SCAPER: variants seen among roughly 807,000 people sequenced by gnomAD.
SCAPER encodes the protein S phase cyclin A-associated protein in the endoplasmic reticulum.
SCAPER carries 98 observed loss-of-function variants against 182.2 expected under a neutral mutation model. The observed-to-expected ratio is 0.54, with a 90% confidence interval of 0.46 to 0.64. The LOEUF (loss-of-function observed/expected upper bound fraction) is 0.64. Ranked by LOEUF, SCAPER falls within the 30% of genes least tolerant of loss-of-function variation. The pLI is 0.00. For missense variants in SCAPER, 1,432 were observed against 1,690.0 expected, an observed-to-expected ratio of 0.85 and a Z score of 2.68; for synonymous variants, 605 against 564.6, an observed-to-expected ratio of 1.07 and a Z score of -1.01.
At chr15:76,697,870 C>A (rs979609967) in intron 20 of SCAPER, among the ~76,000 whole-genome samples, 1 of 152,186 alleles carries the variant, frequency 6.6e-6, no homozygotes, top group East Asian at 1.9e-4. Flanking sequence ...GAACTCCCGA[C>A]CTCAGGTGAT....
rs975237864 is a variant in SCAPER at position 76,873,104 on chromosome 15, A to T, written c.7-10571T>A. On this transcript the variant is annotated intron_variant, in intron 2 of 31. Coordinates refer to ENST00000563290, the MANE Select transcript of SCAPER (RefSeq NM_020843.4). ...GTCTCTACAAAAAAAAAAAAAAAAA[A>T]TTAAGCCAGGCATAATGGCACCTGT... Among the ~76,000 whole-genome samples the T allele has an allele frequency of 9.3e-5, 14 of 151,212 alleles. No homozygotes were observed. The South Asian group carries it at 1.9e-3, about 20-fold the overall frequency.
At chr15:76,632,190 T>C (rs995310970) in intron 21 of SCAPER, among the ~76,000 whole-genome samples, 1 of 151,974 alleles carries the variant, frequency 6.6e-6, no homozygotes, top group Non-Finnish European at 1.5e-5. Context: ...CCGGTAACGG[T>C]TTTTTGTTTG....
intron 23 of SCAPER, among the ~76,000 whole-genome samples, chr15:76,559,689 G>A (rs1044204715): frequency 6.6e-6 from 1 of 152,144 alleles, no homozygotes; most frequent in Non-Finnish European, 1.5e-5. Flanking sequence ...AGCTAAATAT[G>A]AGTACACATG....
chr15:76,686,641 A>C (rs1330411677), intron 20 of SCAPER, among the ~76,000 whole-genome samples: 2 of 152,128 alleles, frequency 1.3e-5, no homozygotes, highest in Non-Finnish European at 1.5e-5. Context: ...TCAGAAACTT[A>C]AAAACAACAT....
chr15:76,411,724 C>A (rs2045305087), intron 26 of SCAPER, among the ~76,000 whole-genome samples: 1 of 152,136 alleles, frequency 6.6e-6, no homozygotes, highest in African/African-American at 2.4e-5. Flanking sequence ...CATTTCATTT[C>A]ATTCTCCCAG....
chr15:76,636,443 C>T (rs2053607944), intron 21 of SCAPER, among the ~76,000 whole-genome samples: 1 of 149,220 alleles, frequency 6.7e-6, no homozygotes. Flanking sequence ...TGACTAAGTA[C>T]ATTTACCTTT....
chr15:76,675,307 C>T (rs974210969), intron 20 of SCAPER, among the ~76,000 whole-genome samples: 6 of 152,096 alleles, frequency 3.9e-5, no homozygotes, highest in African/African-American at 9.7e-5. Flanking sequence ...GAACTTAAAA[C>T]GAAATTAACA....
rs181384202 is a variant in SCAPER, at chr15:76,830,324, G to A, written c.393+11410C>T. Reference sequence around the variant, plus strand: ...CTGATGCCCAGAGTAAAGAAAAACCGTTGAACAACTACAATCAAAGTAATG... The same window carrying A: ...CTGATGCCCAGAGTAAAGAAAAACCATTGAACAACTACAATCAAAGTAATG... On this transcript the variant is annotated intron_variant, in intron 5 of 31. Coordinates refer to ENST00000563290, the MANE Select transcript of SCAPER (RefSeq NM_020843.4). Among the ~76,000 whole-genome samples, 10 of 152,216 alleles carry A rather than the reference G, an allele frequency of 6.6e-5. No individual in the cohort carries two copies. The East Asian group carries it at 1.4e-3, about 21-fold the overall frequency.
intron 26 of SCAPER, among the ~76,000 whole-genome samples, chr15:76,408,474 T>A (rs1228287326): frequency 6.6e-6 from 1 of 152,136 alleles, no homozygotes; most frequent in Non-Finnish European, 1.5e-5. Flanking sequence ...ACATTTTGAG[T>A]AGAAAACCTT....
chr15:76,646,178 T>C (rs2146452160), intron 21 of SCAPER, among the ~76,000 whole-genome samples: 1 of 152,256 alleles, frequency 6.6e-6, no homozygotes, highest in East Asian at 1.9e-4. Flanking sequence ...TAAAAAGACA[T>C]AGTACAGTTA....
chr15:76,629,753 C>T (rs1010466968), intron 21 of SCAPER, among the ~76,000 whole-genome samples: 5 of 152,110 alleles, frequency 3.3e-5, no homozygotes. Context: ...GTTTTGGTAT[C>T]AGGATGGTGC....
intron 5 of SCAPER, among the ~76,000 whole-genome samples, chr15:76,818,954 C>A (rs1027397480): frequency 6.6e-6 from 1 of 152,250 alleles, no homozygotes; most frequent in Non-Finnish European, 1.5e-5. Context: ...GCACATGGCT[C>A]GGAGGGTCCT....
chr15:76,543,327 G>T (rs1656655365), intron 23 of SCAPER, among the ~76,000 whole-genome samples: 1 of 152,306 alleles, frequency 6.6e-6, no homozygotes, highest in South Asian at 2.1e-4. Context: ...GAAATTGGTT[G>T]TAGGTTTAAG....
intron 5 of SCAPER, among the ~76,000 whole-genome samples, chr15:76,810,286 T>C (rs1033384966): frequency 2.8e-4 from 42 of 152,098 alleles, no homozygotes; most frequent in African/African-American, 1.0e-3. Context: ...AAAACAATTA[T>C]AACTAAATTT....
intron 24 of SCAPER, among the ~76,000 whole-genome samples, chr15:76,503,169 T>C (rs2041292474): frequency 6.6e-6 from 1 of 152,220 alleles, no homozygotes; most frequent in African/African-American, 2.4e-5. Flanking sequence ...AAAGAATCAA[T>C]ATCATTTCCT....
At chr15:76,450,672 G>A (rs893300116) in intron 25 of SCAPER, among the ~76,000 whole-genome samples, 1 of 152,128 alleles carries the variant, frequency 6.6e-6, no homozygotes, top group Non-Finnish European at 1.5e-5. Flanking sequence ...TCGTGCCTCA[G>A]CCTCCTGAGT....
chr15:76,847,434 C>A (rs2070225127), intron 4 of SCAPER, among the ~76,000 whole-genome samples: 1 of 151,754 alleles, frequency 6.6e-6, no homozygotes, highest in African/African-American at 2.4e-5. Flanking sequence ...ACAGGCTATA[C>A]AATATAATTT....
At chr15:76,467,331 A>C in intron 25 of SCAPER, among the ~76,000 whole-genome samples, 1 of 152,118 alleles carries the variant, frequency 6.6e-6, no homozygotes, top group East Asian at 1.9e-4. Flanking sequence ...GCCCCAAGTC[A>C]GGCAAGACAG....
intron 24 of SCAPER, among the ~76,000 whole-genome samples, chr15:76,493,041 T>TA (rs2052480267): frequency 6.6e-6 from 1 of 152,052 alleles, no homozygotes; most frequent in Non-Finnish European, 1.5e-5. Context: ...CCAGAACACT[T>TA]AGAGTGGGTG....
Sources: allele counts gnomAD v4.1 joint callset (sites outside exome capture counted in the v4.1 genomes callset), GRCh38; gene constraint gnomAD v4.1.1; transcripts MANE v1.5; gene names NCBI Gene and HGNC (gene_info 2026-07-23, HGNC 2026-07-21).